SYT16: variants seen among roughly 807,000 people sequenced by gnomAD.
SYT16 encodes the protein synaptotagmin-16.
Under a neutral mutation model 61.4 loss-of-function variants are expected in SYT16, and 42 were observed. The ratio of observed to expected loss-of-function variants is 0.68; its 90% confidence interval spans 0.53 to 0.89. SYT16 has a LOEUF of 0.89. Ranked by LOEUF, SYT16 falls within the 40% of genes least tolerant of loss-of-function variation. The pLI is 0.00. For missense variants in SYT16, 804 were observed against 807.3 expected (o/e 1.00, Z 0.05); for synonymous variants, 314 against 302.3 (o/e 1.04, Z -0.40).
At chr14:62,048,572 G>A (rs893729881) in intron 3 of SYT16, among the ~76,000 whole-genome samples, 4 of 152,152 alleles carry the variant, frequency 2.6e-5, no homozygotes, top group African/African-American at 9.7e-5. Flanking sequence ...TGATGTTAGG[G>A]TGTCAATTTT....
intron 5 of SYT16, among the ~76,000 whole-genome samples, chr14:62,075,605 A>T (rs202192300): frequency 0.11 from 11,052 of 99,894 alleles, 541 homozygotes; most frequent in East Asian, 0.18. Flanking sequence ...GATGAACGGT[A>T]AAAAAAAAAA....
At chr14:62,060,130 C>G (rs1401215264) in intron 3 of SYT16, among the ~76,000 whole-genome samples, 2 of 152,012 alleles carry the variant, frequency 1.3e-5, no homozygotes, top group Non-Finnish European at 2.9e-5. Flanking sequence ...ACTTCAGAGT[C>G]TACTTGTCAA....
chr14:61,960,075 G>A (rs976974205), intron 1 of SYT16, among the ~76,000 whole-genome samples: 31 of 152,222 alleles, frequency 2.0e-4, no homozygotes, highest in African/African-American at 6.7e-4. Flanking sequence ...CAAGTGATCT[G>A]CCCACTTCAG....
intron 3 of SYT16, among the ~76,000 whole-genome samples, chr14:62,050,376 A>AT (rs1057009752): frequency 5.9e-5 from 9 of 151,606 alleles, no homozygotes; most frequent in Non-Finnish European, 1.3e-4. Flanking sequence ...CATTCGTCCA[A>AT]TTTTTTTTCA....
At chr14:62,097,024 G>A (rs2057295345) in intron 7 of SYT16, among the ~76,000 whole-genome samples, 1 of 152,088 alleles carries the variant, frequency 6.6e-6, no homozygotes, top group Admixed American at 6.6e-5. Flanking sequence ...CCAAGGCTCA[G>A]CTCAGCAATT....
At chr14:61,909,522 C>T (rs548090316) in intron 1 of SYT16, among the ~76,000 whole-genome samples, 256 of 152,308 alleles carry the variant, frequency 1.7e-3, no homozygotes, top group African/African-American at 6.0e-3. Context: ...CTCTCTCCTT[C>T]CTGTGTGTCT....
chr14:61,897,915 C>T (rs1285441705), intron 1 of SYT16, among the ~76,000 whole-genome samples: 1 of 152,142 alleles, frequency 6.6e-6, no homozygotes, highest in Non-Finnish European at 1.5e-5. Flanking sequence ...CATGGAGCCC[C>T]ACATCTCTTG....
At chr14:61,851,552 C>T (rs1006485376) in intron 1 of SYT16, among the ~76,000 whole-genome samples, 1 of 152,166 alleles carries the variant, frequency 6.6e-6, no homozygotes, top group Admixed American at 6.5e-5. Flanking sequence ...CCCTTTTCCT[C>T]CACAACCTTG....
chr14:61,953,896 CCAAA>C (rs2140482663), intron 1 of SYT16, among the ~76,000 whole-genome samples: 1 of 152,208 alleles, frequency 6.6e-6, no homozygotes, highest in South Asian at 2.1e-4. Flanking sequence ...AGACCAGAAT[CCAAA>C]CAAAGCTTAG....
intron 4 of SYT16, among the ~76,000 whole-genome samples, chr14:62,072,195 T>C (rs2056323140): frequency 1.3e-5 from 2 of 152,184 alleles, no homozygotes; most frequent in African/African-American, 4.8e-5. Flanking sequence ...CTGAGGATAT[T>C]TCCTACAAGC....
chr14:61,854,099 T>C (rs910535496), intron 1 of SYT16, among the ~76,000 whole-genome samples: 1 of 152,140 alleles, frequency 6.6e-6, no homozygotes, highest in Non-Finnish European at 1.5e-5. Context: ...CCCACCCCAA[T>C]ATGTGTATGT....
chr14:62,041,277 T>C (rs1254924), intron 3 of SYT16, among the ~76,000 whole-genome samples: 86,098 of 151,962 alleles, frequency 0.57, 24,848 homozygotes, highest in African/African-American at 0.66. Flanking sequence ...CAATACTGTG[T>C]ATCCTTCAAT....
intron 7 of SYT16, among the ~76,000 whole-genome samples, chr14:62,090,754 G>A (rs2140999643): frequency 6.6e-6 from 1 of 152,284 alleles, no homozygotes; most frequent in Middle Eastern, 3.4e-3. Flanking sequence ...TTTTTATGCT[G>A]CTGATAAAGA....
intron 5 of SYT16, among the ~76,000 whole-genome samples, chr14:62,078,465 A>G (rs1482669967): frequency 6.6e-6 from 1 of 152,132 alleles, no homozygotes; most frequent in Non-Finnish European, 1.5e-5. Flanking sequence ...ACCTCATTGC[A>G]TTGATGTAAA....
Position 62,081,134 on chromosome 14 carries a change from G to A in SYT16, c.1294G>A (p.Ala432Thr), listed in dbSNP as rs199539681. 44 of 1,613,976 alleles carry A rather than the reference G, an allele frequency of 2.7e-5. No homozygotes were observed. The highest frequency in any genetic ancestry group is 3.6e-5 in the Non-Finnish European group (42 of 1,179,890). The change falls in exon 6 of 8, where the codon GCT (alanine) becomes ACT (threonine). Residue 432 changes from alanine (A) to threonine (T), a missense_variant. By Grantham distance (58) the Ala-to-Thr change is moderately conservative (BLOSUM62 0). Transcript: ENST00000683842. ...KLEPRDVAAC[A>T]VRFRLYAARK... ...GGAGCCCAGAGATGTGGCTGCCTGT[G>A]CTGTCCGCTTCCGCCTGTACGCTGC...
At chr14:61,876,834 A>C (rs185372780) in intron 1 of SYT16, among the ~76,000 whole-genome samples, 1 of 152,178 alleles carries the variant, frequency 6.6e-6, no homozygotes, top group African/African-American at 2.4e-5. Flanking sequence ...AGGGAATTCA[A>C]TTATTCCAGC....
rs1455380967 is a variant in SYT16 at position 62,075,401 on chromosome 14, TTGTTTTTC to T, written c.993+11_993+18del. On this transcript the variant is annotated intron_variant, in intron 5 of 7. Coordinates refer to ENST00000683842, the MANE Select transcript of SYT16 (RefSeq NM_001367656.1). Reference sequence around the variant, plus strand: ...CATGTGGAGTCCAGAGGCAAGTTATTTGTTTTTCATTCTTTCATTGGTTCCCTTTCCCC... The same window carrying T: ...CATGTGGAGTCCAGAGGCAAGTTATTATTCTTTCATTGGTTCCCTTTCCCC... The T allele has an allele frequency of 1.3e-6, 2 of 1,588,054 alleles. No individual in the cohort carries two copies. Among genetic ancestry groups the T allele is most frequent in the Admixed American group, 3.4e-5 (2 of 59,514 alleles).
chr14:61,836,245 T>G (rs1438643163), intron 1 of SYT16, among the ~76,000 whole-genome samples: 1 of 152,230 alleles, frequency 6.6e-6, no homozygotes, highest in African/African-American at 2.4e-5. Context: ...TCATGGTACC[T>G]TCCACCTCTT....
chr14:61,939,539 T>C (rs1252664742), intron 1 of SYT16, among the ~76,000 whole-genome samples: 7 of 152,210 alleles, frequency 4.6e-5, no homozygotes, highest in Admixed American at 4.6e-4. Flanking sequence ...CATGGCCATC[T>C]CCTTCTGTCT....
Sources: gnomAD v4.1 joint callset for allele counts (sites outside exome capture counted in the v4.1 genomes callset) on GRCh38, gnomAD v4.1.1 for gene constraint, MANE v1.5 for transcripts, NCBI Gene and HGNC (gene_info 2026-07-23, HGNC 2026-07-21) for gene names.